Variants in EYS observed in about 807,000 individuals in gnomAD.
The protein encoded by EYS is EGF-like photoreceptor maintenance factor, also known as protein eyes shut homolog.
EYS carries 250 observed loss-of-function variants against 282.1 expected under a neutral mutation model. That is an observed-to-expected ratio of 0.89 (90% CI 0.80 to 0.98). EYS has a LOEUF of 0.98. Ranked by LOEUF, EYS falls within the 50% of genes least tolerant of loss-of-function variation. EYS has a pLI of 0.00. For missense variants in EYS, 4,016 were observed against 3,709.0 expected (o/e 1.08, Z -2.15); for synonymous variants, 1,355 against 1,282.9 (o/e 1.06, Z -1.20).
At chr6:64,232,423 CTT>C (rs1173524612) in intron 30 of EYS, among the ~76,000 whole-genome samples, 1 of 152,034 alleles carries the variant, frequency 6.6e-6, no homozygotes, top group African/African-American at 2.4e-5. Flanking sequence ...AAGTTTTACT[CTT>C]ATTGCCGAGG....
intron 5 of EYS, among the ~76,000 whole-genome samples, chr6:65,462,315 G>C (rs1764852484): frequency 6.6e-6 from 1 of 152,064 alleles, no homozygotes; most frequent in Non-Finnish European, 1.5e-5. Context: ...GTGAGGGAGA[G>C]TGTGGCTGCA....
intron 19 of EYS, among the ~76,000 whole-genome samples, chr6:64,854,745 TA>T (rs987845657): frequency 7.3e-5 from 11 of 151,700 alleles, no homozygotes; most frequent in Admixed American, 2.0e-4. Flanking sequence ...AATATAATAA[TA>T]AAAAAAAGAA....
rs191573951 is a variant in EYS, at chr6:64,689,814, G to A, written c.3444-63569C>T. 1.0e-3 allele frequency among the ~76,000 whole-genome samples: 156 copies of A among 152,116 alleles called. 1 individual carries two copies. Among genetic ancestry groups the A allele is most frequent in the African/African-American group, 3.6e-3 (149 of 41,500 alleles). ...ACTGGATCCCTTCCTTACACCTTAT[G>A]CAAAAATCAATTCAAGATGGATTAA... is the stretch of plus-strand genomic sequence containing the variant. On this transcript the variant is annotated intron_variant, in intron 22 of 42. Transcript: ENST00000503581.
chr6:64,347,768 C>T (rs1273234915), intron 29 of EYS, among the ~76,000 whole-genome samples: 3 of 151,248 alleles, frequency 2.0e-5, no homozygotes, highest in Non-Finnish European at 4.4e-5. Context: ...GTTTATTTGT[C>T]TTTTCCTTAT....
chr6:64,503,420 A>T (rs146576573), intron 26 of EYS, among the ~76,000 whole-genome samples: 2 of 152,310 alleles, frequency 1.3e-5, no homozygotes, highest in East Asian at 3.9e-4. Context: ...AAATGTGATG[A>T]TGCTTTTTGA....
chr6:63,880,720 CTTTTTT>C (rs906942018), intron 35 of EYS, among the ~76,000 whole-genome samples: 2 of 152,030 alleles, frequency 1.3e-5, no homozygotes, highest in African/African-American at 2.4e-5. Context: ...CTTTCTTTTT[CTTTTTT>C]AATCCTGAAA....
chr6:65,178,525 T>C (rs1459594370), intron 12 of EYS, among the ~76,000 whole-genome samples: 1 of 151,922 alleles, frequency 6.6e-6, no homozygotes, highest in Non-Finnish European at 1.5e-5. Context: ...CCTAAATATA[T>C]ATGCACCCAA....
chr6:63,749,223 T>C (rs1391003611), intron 41 of EYS, among the ~76,000 whole-genome samples: 1 of 152,192 alleles, frequency 6.6e-6, no homozygotes, highest in Admixed American at 6.5e-5. Flanking sequence ...TTGATTTCTA[T>C]GTTAATTTCA....
chr6:64,045,030 C>A (rs1770555021), intron 33 of EYS, among the ~76,000 whole-genome samples: 1 of 152,126 alleles, frequency 6.6e-6, no homozygotes, highest in South Asian at 2.1e-4. Flanking sequence ...TGTAATCAAT[C>A]CAGTGGAAAA....
intron 26 of EYS, among the ~76,000 whole-genome samples, chr6:64,509,831 T>C (rs1179301633): frequency 1.3e-5 from 2 of 152,132 alleles, no homozygotes; most frequent in Non-Finnish European, 2.9e-5. Context: ...AATTGCAAAC[T>C]TTTGTTAGTG....
At chr6:65,530,516 G>T (rs1212819876) in intron 2 of EYS, among the ~76,000 whole-genome samples, 1 of 152,098 alleles carries the variant, frequency 6.6e-6, no homozygotes, top group African/African-American at 2.4e-5. Context: ...AGAAATGCTG[G>T]TGGACCCCTG....
chr6:63,804,326 A>G (rs1456069427), intron 37 of EYS, among the ~76,000 whole-genome samples: 5 of 152,180 alleles, frequency 3.3e-5, no homozygotes, highest in African/African-American at 4.8e-5. Context: ...GAGTCCAACA[A>G]TATTTTAAGA....
chr6:64,346,442 T>C (rs1266822561), intron 29 of EYS, among the ~76,000 whole-genome samples: 1 of 151,658 alleles, frequency 6.6e-6, no homozygotes, highest in Non-Finnish European at 1.5e-5. Flanking sequence ...CTCAGCAAAC[T>C]ATCACAAGGA....
chr6:64,774,291 C>T (rs1043829367), intron 22 of EYS, among the ~76,000 whole-genome samples: 22 of 151,816 alleles, frequency 1.4e-4, no homozygotes, highest in Non-Finnish European at 2.8e-4. Context: ...TCTTCTTTTA[C>T]GGAATAAGGA....
At chr6:65,382,467 G>GTGTC (rs145755274) in intron 8 of EYS, among the ~76,000 whole-genome samples, 1 of 143,850 alleles carries the variant, frequency 7.0e-6, no homozygotes, top group South Asian at 2.2e-4. Context: ...CTGTGTGTGT[G>GTGTC]TGTGTGTGTG....
intron 36 of EYS, among the ~76,000 whole-genome samples, chr6:63,816,865 A>T (rs1771191919): frequency 6.6e-6 from 1 of 152,234 alleles, no homozygotes; most frequent in South Asian, 2.1e-4. Context: ...TCCTTCTTAT[A>T]CTTGCATTTT....
At chr6:65,127,642 T>C (rs1413462385) in intron 12 of EYS, among the ~76,000 whole-genome samples, 1 of 152,092 alleles carries the variant, frequency 6.6e-6, no homozygotes, top group Admixed American at 6.6e-5. Flanking sequence ...AATTGCATCA[T>C]GTGTAAATAT....
At chr6:65,391,081 C>G (rs746292854) in intron 7 of EYS, among the ~76,000 whole-genome samples, 3 of 151,848 alleles carry the variant, frequency 2.0e-5, no homozygotes, top group Admixed American at 1.3e-4. Flanking sequence ...GATGTTAATT[C>G]AAATTTTATC....
intron 12 of EYS, among the ~76,000 whole-genome samples, chr6:65,269,345 C>T (rs1458318703): frequency 2.0e-5 from 3 of 152,124 alleles, no homozygotes; most frequent in Non-Finnish European, 4.4e-5. Context: ...AGTGAGAGAA[C>T]TGGATTTAAA....
Sources: gnomAD v4.1 joint callset for allele counts (sites outside exome capture counted in the v4.1 genomes callset) on GRCh38, gnomAD v4.1.1 for gene constraint, MANE v1.5 for transcripts, NCBI Gene and HGNC (gene_info 2026-07-23, HGNC 2026-07-21) for gene names.